Variants in DICER1 observed in about 807,000 individuals in gnomAD.
DICER1 encodes the protein endoribonuclease Dicer.
A neutral mutation model predicts 194.1 loss-of-function variants in DICER1; 43 were observed. That is an observed-to-expected ratio of 0.22 (90% CI 0.17 to 0.29). The LOEUF (loss-of-function observed/expected upper bound fraction) is 0.29. Among genes scored for constraint, DICER1 ranks in the 10% least tolerant of loss-of-function variants. The probability of loss-of-function intolerance (pLI) is 1.00; values close to 1 mark genes in which losing one functional copy is unlikely to be tolerated. For synonymous variants in DICER1, 832 were observed against 820.5 expected, an observed-to-expected ratio of 1.01 and a Z score of -0.24; for missense variants, 1,608 against 2,317.0, an observed-to-expected ratio of 0.69 and a Z score of 6.28.
intron 4 of DICER1, 66 bp downstream of exon 4, chr14:95,131,443 T>G: frequency 6.7e-7 from 1 of 1,485,406 alleles, no homozygotes; most frequent in East Asian, 2.3e-5. Context: ...AGGCTACAGA[T>G]CATCTTACAA....
At chr14:95,129,282 T>C in intron 6 of DICER1, 190 bp downstream of exon 6, 1 of 576,110 alleles carries the variant, frequency 1.7e-6, no homozygotes, top group Non-Finnish European at 3.1e-6. Flanking sequence ...CTACTCTCTG[T>C]GGAAACAACG....
Position 95,087,611 on chromosome 14 carries a change from T to A in DICER1, c.*2887A>T. ...TGGTACCAAGTGCAATGCTTATCTGTGCTACATGAACAGAACAGAAGGGAA... is the reference window on the plus strand; with the variant it reads ...TGGTACCAAGTGCAATGCTTATCTGAGCTACATGAACAGAACAGAAGGGAA... On this transcript the variant is annotated 3_prime_UTR_variant, in exon 27 of 27. Coordinates refer to ENST00000343455, the MANE Select transcript of DICER1 (RefSeq NM_177438.3). 1 of 233,238 alleles carries A rather than the reference T, an allele frequency of 4.3e-6. No individual in the cohort carries two copies. The highest frequency in any genetic ancestry group is 8.5e-6 in the Non-Finnish European group (1 of 118,028). 14.4% of individuals were successfully genotyped at this position (233,238 alleles called of 1,614,324 possible). A position where few individuals can be genotyped will look rare whatever the true frequency, so the allele number is the denominator to read the frequency against.
In DICER1 at chr14:95,122,942, G is replaced by A. The variant is rs557738283; in HGVS notation, c.1376+1254C>T. Among the ~76,000 whole-genome samples the A allele has an allele frequency of 8.8e-5, 10 of 113,756 alleles. No individual in the cohort carries two copies. The East Asian group carries it at 9.7e-4, about 11-fold the overall frequency. The allele number at this position is 113,756 out of a possible 152,430, so 74.6% of individuals were successfully genotyped here. A position where few individuals can be genotyped will look rare whatever the true frequency, so the allele number is the denominator to read the frequency against. On this transcript the variant is annotated intron_variant, in intron 8 of 26. Transcript: ENST00000343455. ...CGTGTGCGCGTGCGTGTACGCGCGCGCGCGCGCACACACACACAAAGAAAG... is the reference window on the plus strand; with the variant it reads ...CGTGTGCGCGTGCGTGTACGCGCGCACGCGCGCACACACACACAAAGAAAG...
At chr14:95,121,710 C>T (rs1291843065) in intron 8 of DICER1, among the ~76,000 whole-genome samples, 2 of 152,174 alleles carry the variant, frequency 1.3e-5, no homozygotes, top group East Asian at 3.8e-4. Flanking sequence ...AGGTCACACA[C>T]TGATGCTTGT....
rs1386590150 is a variant in DICER1, at chr14:95,090,115, C to T, written c.*383G>A. 1.0e-5 allele frequency: 4 copies of T among 388,618 alleles called. No individual in the cohort carries two copies. In the Admixed American group the frequency reaches 1.8e-4, roughly 17 times the overall value. The allele number at this position is 388,618 out of a possible 1,614,324, so 24.1% of individuals were successfully genotyped here. A position where few individuals can be genotyped will look rare whatever the true frequency, so the allele number is the denominator to read the frequency against. On this transcript the variant is annotated 3_prime_UTR_variant, in exon 27 of 27. Transcript: ENST00000343455. ...AGAAGAATCTACATCATCCTAGGGA[C>T]TGCTGGAGGTTTAAGCTCCATGGCC...
At chr14:95,145,900 A>G (rs899542777) in intron 1 of DICER1, among the ~76,000 whole-genome samples, 14 of 152,172 alleles carry the variant, frequency 9.2e-5, no homozygotes, top group African/African-American at 3.1e-4. Flanking sequence ...CACAAAAAAA[A>G]CTTCATATAG....
At position 95,090,435 on chromosome 14, in the gene DICER1, T is replaced by A; in HGVS notation, c.*63A>T. 6.3e-7 allele frequency: 1 copy of A among 1,578,092 alleles called. No individual in the cohort carries two copies. The highest frequency in any genetic ancestry group is 1.1e-5 in the South Asian group (1 of 90,196). ...ACAACTTTAAGTCTTCCTTTCCGAT[T>A]TAAATAATTTTCCCCTTAATTTTTT... On this transcript the variant is annotated 3_prime_UTR_variant, in exon 27 of 27. Transcript: ENST00000343455.
chr14:95,100,300 A>G (rs1015999758), intron 21 of DICER1, among the ~76,000 whole-genome samples: 4 of 152,204 alleles, frequency 2.6e-5, no homozygotes, highest in Non-Finnish European at 5.9e-5. Context: ...TGGAATTACC[A>G]AAGTAGAAAA....
Position 95,088,986 on chromosome 14 carries a change from G to T in DICER1, c.*1512C>A. 1 of 233,532 alleles carries T rather than the reference G, an allele frequency of 4.3e-6. No individual in the cohort carries two copies. The highest frequency in any genetic ancestry group is 8.5e-6 in the Non-Finnish European group (1 of 118,040). 14.5% of individuals were successfully genotyped at this position (233,532 alleles called of 1,614,324 possible). A position where few individuals can be genotyped will look rare whatever the true frequency, so the allele number is the denominator to read the frequency against. On this transcript the variant is annotated 3_prime_UTR_variant, in exon 27 of 27. Coordinates refer to ENST00000343455, the MANE Select transcript of DICER1 (RefSeq NM_177438.3). ...AGCAAACCTCTACTGGTATGTTGAT[G>T]GGAGTGCAAGACTGACCCACAGCTT...
rs568358867 is a variant in DICER1, at chr14:95,087,804, G to A, written c.*2694C>T. Reference sequence around the variant, plus strand: ...CACGCCTCCCCAGTCCTTTACACACGTGCTCAGGGCACAACCACACCCCAC... The same window carrying A: ...CACGCCTCCCCAGTCCTTTACACACATGCTCAGGGCACAACCACACCCCAC... On this transcript the variant is annotated 3_prime_UTR_variant, in exon 27 of 27. Transcript: ENST00000343455. The A allele has an allele frequency of 1.0e-4, 24 of 233,104 alleles. No individual in the cohort carries two copies. Among genetic ancestry groups the A allele is most frequent in the African/African-American group, 4.0e-4 (18 of 45,406 alleles). The allele number at this position is 233,104 out of a possible 1,614,324, so 14.4% of individuals were successfully genotyped here.
At position 95,090,639 on chromosome 14, in the gene DICER1, C is replaced by G. The variant is rs1322664148; in HGVS notation, c.5628G>C (p.Gly1876=). The part of the protein sequence containing the change: ...KFSPAERTYD[G]KVRVTVEVVG... ...CTACTTCCACAGTGACTCTGACCTT[C>G]CCGTCGTAAGTTCTCTCAGCCGGGC... The change falls in exon 27 of 27, where the codon GGG becomes GGC. Residue 1876 remains glycine, a synonymous_variant. Coordinates refer to ENST00000343455, the MANE Select transcript of DICER1 (RefSeq NM_177438.3). The G allele has an allele frequency of 6.2e-7, 1 of 1,614,152 alleles. No homozygotes were observed. Among genetic ancestry groups the G allele is most frequent in the Non-Finnish European group, 8.5e-7 (1 of 1,180,014 alleles).
chr14:95,133,911 T>C (rs1435695918), intron 1 of DICER1, among the ~76,000 whole-genome samples: 1 of 152,262 alleles, frequency 6.6e-6, no homozygotes, highest in Non-Finnish European at 1.5e-5. Context: ...CAGAACAATG[T>C]CCATAATAAA....
Position 95,117,731 on chromosome 14 carries a change from T to C in DICER1, c.1400A>G (p.Gln467Arg). 1 of 1,614,020 alleles carries C rather than the reference T, an allele frequency of 6.2e-7. No homozygotes were observed. The highest frequency in any genetic ancestry group is 8.5e-7 in the Non-Finnish European group (1 of 1,179,878). ...ACTGATATAAGCCAGCTCTGGATCTTGTTTGCCAGCTTCCTTTATCAATCT... is the reference window on the plus strand; with the variant it reads ...ACTGATATAAGCCAGCTCTGGATCTCGTTTGCCAGCTTCCTTTATCAATCT... ...LNRLIKEAGK[Q>R]DPELAYISSN... The change falls in exon 9 of 27, where the codon CAA becomes CGA. Residue 467 changes from glutamine to arginine, a missense_variant. Coordinates refer to ENST00000343455, the MANE Select transcript of DICER1 (RefSeq NM_177438.3).
At chr14:95,120,658 T>G (rs570477772) in intron 8 of DICER1, among the ~76,000 whole-genome samples, 2 of 152,282 alleles carry the variant, frequency 1.3e-5, no homozygotes, top group East Asian at 3.9e-4. Flanking sequence ...GAGCTCCCAG[T>G]GGCCACCGCT....
In DICER1 at chr14:95,105,286, G is replaced by A. The variant is rs186111570; in HGVS notation, c.3094-40C>T. 3.0e-5 allele frequency: 47 copies of A among 1,549,806 alleles called. No homozygotes were observed. The African/African-American group carries it at 3.3e-4, about 11-fold the overall frequency. On this transcript the variant is annotated intron_variant, in intron 19 of 26. Transcript: ENST00000343455. The surrounding 1 kb of genome is among the most constrained non-coding windows in gnomAD (Gnocchi z 4.9). ...AAAAATGGACAGATAAATACAAAGC[G>A]CACACACAAAAGAAAAAAAAAAAGA...
intron 8 of DICER1, among the ~76,000 whole-genome samples, chr14:95,122,606 G>T (rs1042726454): frequency 2.8e-4 from 43 of 152,276 alleles, no homozygotes; most frequent in African/African-American, 9.1e-4. Flanking sequence ...TAGGATTCTA[G>T]AATTGTCTCT....
At position 95,116,462 on chromosome 14, in the gene DICER1, A is replaced by T. The variant is rs1387363465; in HGVS notation, c.1743T>A (p.Ala581=). The T allele has an allele frequency of 6.2e-7, 1 of 1,611,940 alleles. No homozygotes were observed. Among genetic ancestry groups the T allele is most frequent in the Non-Finnish European group, 8.5e-7 (1 of 1,179,900 alleles). ...AATATGTTGATCTTACCTTTTCAAT[A>T]GCTTTGTAGGTTTTAAGGTCTTCTT... ...SFEEDLKTYK[A]IEKILRNKCS... is the part of the protein sequence containing the mutation. Residue 581 remains alanine (A), a synonymous_variant, in exon 10 of 27, where the codon GCT becomes GCA. Transcript: ENST00000343455.
chr14:95,094,287 G>A (rs1890119085), intron 23 of DICER1, 131 bp from the exon 24 acceptor site: 1 of 1,166,814 alleles, frequency 8.6e-7, no homozygotes, highest in Non-Finnish European at 1.2e-6. Context: ...CTTCAAAAAG[G>A]ATATCTGACA....
At chr14:95,097,701 T>C (rs1406906257) in intron 22 of DICER1, among the ~76,000 whole-genome samples, 1 of 152,178 alleles carries the variant, frequency 6.6e-6, no homozygotes, top group Non-Finnish European at 1.5e-5. Flanking sequence ...TCCAGTGTTC[T>C]GACAAAAAAA....
Sources: gnomAD v4.1 joint callset for allele counts (sites outside exome capture counted in the v4.1 genomes callset) on GRCh38, gnomAD v4.1.1 for gene constraint, Gnocchi (gnomAD v3.1) non-coding constraint, MANE v1.5 for transcripts, NCBI Gene and HGNC (gene_info 2026-07-23, HGNC 2026-07-21) for gene names.